Variants in PRKAR2A observed in about 807,000 individuals in gnomAD.
The protein encoded by PRKAR2A is protein kinase cAMP-dependent type II regulatory subunit alpha.
In PRKAR2A, 29 loss-of-function variants were observed where a neutral mutation model predicts 51.9. The observed-to-expected ratio is 0.56, with a 90% CI of 0.42 to 0.76. The LOEUF (loss-of-function observed/expected upper bound fraction) is 0.76, where lower values mean the gene tolerates loss of function less well. PRKAR2A is among the 30% of genes least tolerant of loss of function. The pLI is 0.00. For synonymous variants in PRKAR2A, 178 were observed against 186.2 expected (o/e 0.96, Z 0.36); for missense variants, 445 against 512.1 (o/e 0.87, Z 1.26).
chr3:48,798,204 C>T (rs1026772362), intron 2 of PRKAR2A, among the ~76,000 whole-genome samples: 7 of 152,140 alleles, frequency 4.6e-5, no homozygotes, highest in Non-Finnish European at 1.0e-4. Flanking sequence ...CCACTGGCCT[C>T]GGCCTCCCAA....
Position 48,847,513 on chromosome 3 carries a change from G to A in PRKAR2A, c.84C>T (p.Asp28=), listed in dbSNP as rs2083488920. 2 of 1,559,758 alleles carry A rather than the reference G, an allele frequency of 1.3e-6. No homozygotes were observed. Among genetic ancestry groups the A allele is most frequent in the Non-Finnish European group, 1.7e-6 (2 of 1,153,118 alleles). Residue 28 remains aspartate (D), a synonymous_variant, in exon 1 of 11, where the codon GAC becomes GAT. Coordinates refer to ENST00000265563, the MANE Select transcript of PRKAR2A (RefSeq NM_004157.4). This position sits in a 1 kb window ranked among gnomAD's most constrained non-coding sequence, Gnocchi z 4.4. ...TVEVLRQQPP[D]LVEFAVEYFT... ...AGTACTCCACTGCGAATTCGACGAG[G>A]TCAGGCGGCTGCTGTCGCAGCACCT... is the stretch of plus-strand genomic sequence containing the variant.
chr3:48,817,215 G>C (rs879256307), intron 1 of PRKAR2A, among the ~76,000 whole-genome samples: 1 of 151,642 alleles, frequency 6.6e-6, no homozygotes, highest in Non-Finnish European at 1.5e-5. Context: ...TAGTCCCACC[G>C]ATTCGGGAGG....
At chr3:48,754,797 C>T (rs2081731770) in intron 9 of PRKAR2A, among the ~76,000 whole-genome samples, 1 of 150,782 alleles carries the variant, frequency 6.6e-6, no homozygotes, top group South Asian at 2.1e-4. Context: ...ATCAAGCTAC[C>T]TTCAGCTACT....
chr3:48,795,317 T>C (rs565062259), intron 2 of PRKAR2A, among the ~76,000 whole-genome samples: 74 of 152,100 alleles, frequency 4.9e-4, no homozygotes, highest in Non-Finnish European at 9.1e-4. Context: ...TTAAGTCATG[T>C]TAATTTTTCA....
rs189260500 is a variant in PRKAR2A, at chr3:48,782,702, G to A, written c.542+284C>T. ...AACCCCTCACCTCAAGCGATCCACCGGCCTTGGCCTCCCAAAGTGCTGCAA... is the reference window on the plus strand; with the variant it reads ...AACCCCTCACCTCAAGCGATCCACCAGCCTTGGCCTCCCAAAGTGCTGCAA... On this transcript the variant is annotated intron_variant, in intron 5 of 10. Coordinates refer to ENST00000265563, the MANE Select transcript of PRKAR2A (RefSeq NM_004157.4). Among the ~76,000 whole-genome samples the A allele has an allele frequency of 7.9e-5, 12 of 152,174 alleles. 1 individual carries two copies. The highest frequency in any genetic ancestry group is 7.2e-4 in the Admixed American group (11 of 15,268).
intron 1 of PRKAR2A, among the ~76,000 whole-genome samples, chr3:48,838,044 G>A (rs1176683671): frequency 2.0e-5 from 3 of 152,046 alleles, no homozygotes; most frequent in African/African-American, 4.8e-5. Context: ...CGGGTGTGGT[G>A]GCGGGCGCCT....
intron 1 of PRKAR2A, 129 bp from the exon 2 acceptor site, chr3:48,807,813 T>C (rs2082696542): frequency 2.9e-6 from 2 of 678,012 alleles, no homozygotes; most frequent in Admixed American, 4.9e-5. Context: ...CAGTTCATAG[T>C]CTTCCACACT....
chr3:48,788,511 A>T (rs1179744201), intron 4 of PRKAR2A, among the ~76,000 whole-genome samples: 5 of 152,182 alleles, frequency 3.3e-5, no homozygotes, highest in African/African-American at 1.2e-4. Context: ...GAGAAGAAAC[A>T]GTAGAGAAGA....
chr3:48,819,467 C>T (rs2082926686), intron 1 of PRKAR2A, among the ~76,000 whole-genome samples: 3 of 152,176 alleles, frequency 2.0e-5, no homozygotes. Context: ...GAGAATTGTA[C>T]CCAAGGTCAC....
At chr3:48,821,816 G>A (rs915254187) in intron 1 of PRKAR2A, among the ~76,000 whole-genome samples, 1 of 151,846 alleles carries the variant, frequency 6.6e-6, no homozygotes. Flanking sequence ...CTAGGGGACT[G>A]AGGCAGCAGA....
intron 8 of PRKAR2A, among the ~76,000 whole-genome samples, chr3:48,764,270 C>T (rs2081905582): frequency 6.6e-6 from 1 of 152,138 alleles, no homozygotes; most frequent in African/African-American, 2.4e-5. Context: ...TGATCTAGCC[C>T]ACTGTTTAGT....
intron 1 of PRKAR2A, among the ~76,000 whole-genome samples, chr3:48,808,044 C>CTTTTTTTT (rs1490338619): frequency 5.9e-5 from 8 of 135,082 alleles, no homozygotes; most frequent in Non-Finnish European, 9.6e-5. Flanking sequence ...TTTTTTCTTT[C>CTTTTTTTT]TTTCTTTTTT....
Position 48,751,333 on chromosome 3 carries a change from A to C in PRKAR2A, c.*252T>G. ...CATGCCGTTTTGAACCAAAGATATA[A>C]AAACTGGGTTGGAGTAATCTTTACA... On this transcript the variant is annotated 3_prime_UTR_variant, in exon 11 of 11. Transcript: ENST00000265563. The C allele has an allele frequency of 1.6e-6, 1 of 640,494 alleles. No individual in the cohort carries two copies. Among genetic ancestry groups the C allele is most frequent in the South Asian group, 1.5e-5 (1 of 66,248 alleles). 39.7% of individuals were successfully genotyped at this position (640,494 alleles called of 1,614,324 possible).
At chr3:48,807,597 T>C (rs1191447190) in intron 2 of PRKAR2A, 52 bp downstream of exon 2, 3 of 1,369,812 alleles carry the variant, frequency 2.2e-6, no homozygotes, top group Admixed American at 1.8e-5. Flanking sequence ...TTTCAATATA[T>C]TCCTATCTTA....
At chr3:48,814,900 A>C (rs2082847650) in intron 1 of PRKAR2A, among the ~76,000 whole-genome samples, 1 of 151,956 alleles carries the variant, frequency 6.6e-6, no homozygotes, top group Non-Finnish European at 1.5e-5. Flanking sequence ...TCAATTTACC[A>C]GTTCTTTTTG....
In PRKAR2A at chr3:48,751,039, G is replaced by A. The variant is rs2081639578; in HGVS notation, c.*546C>T. 1 of 335,780 alleles carries A rather than the reference G, an allele frequency of 3.0e-6. No individual in the cohort carries two copies. The highest frequency in any genetic ancestry group is 5.8e-6 in the Non-Finnish European group (1 of 171,378). The allele number at this position is 335,780 out of a possible 1,614,324, so 20.8% of individuals were successfully genotyped here. A position where few individuals can be genotyped will look rare whatever the true frequency, so the allele number is the denominator to read the frequency against. On this transcript the variant is annotated 3_prime_UTR_variant, in exon 11 of 11. Coordinates refer to ENST00000265563, the MANE Select transcript of PRKAR2A (RefSeq NM_004157.4). ...TGTCAGCAGAAAGTACAATGCCACTGGGCTACATATGTCCATATCATCCAC... is the reference window on the plus strand; with the variant it reads ...TGTCAGCAGAAAGTACAATGCCACTAGGCTACATATGTCCATATCATCCAC...
chr3:48,844,562 C>G (rs2083430842), intron 1 of PRKAR2A, among the ~76,000 whole-genome samples: 1 of 150,910 alleles, frequency 6.6e-6, no homozygotes, highest in Admixed American at 6.7e-5. Flanking sequence ...GCACTATTCA[C>G]AATAGCAAAG....
chr3:48,795,205 T>C (rs1475594880), intron 2 of PRKAR2A, among the ~76,000 whole-genome samples: 1 of 152,164 alleles, frequency 6.6e-6, no homozygotes, highest in East Asian at 1.9e-4. Flanking sequence ...CTCGATCTCC[T>C]GACCTCAACC....
chr3:48,768,382 CACAT>C (rs1284189738), intron 6 of PRKAR2A, among the ~76,000 whole-genome samples: 4 of 151,802 alleles, frequency 2.6e-5, no homozygotes, highest in Admixed American at 2.0e-4. Context: ...CACACACACA[CACAT>C]ACATAGATAC....
Sources: gnomAD v4.1 joint callset for allele counts (sites outside exome capture counted in the v4.1 genomes callset) on GRCh38, gnomAD v4.1.1 for gene constraint, Gnocchi (gnomAD v3.1) non-coding constraint, MANE v1.5 for transcripts, NCBI Gene and HGNC (gene_info 2026-07-23, HGNC 2026-07-21) for gene names.